CYP27C1: variants seen among roughly 807,000 people sequenced by gnomAD.
The protein encoded by CYP27C1 is cytochrome P450 27C1.
Under a neutral mutation model 40.6 loss-of-function variants are expected in CYP27C1, and 29 were observed. The ratio of observed to expected loss-of-function variants is 0.71; its 90% CI spans 0.53 to 0.97. The LOEUF is 0.97. Among genes scored for constraint, CYP27C1 ranks in the 50% least tolerant of loss-of-function variants. The pLI is 0.00. For missense variants in CYP27C1, 390 were observed against 485.8 expected, an observed-to-expected ratio of 0.80 and a Z score of 1.85; for synonymous variants, 198 against 186.8, an observed-to-expected ratio of 1.06 and a Z score of -0.49.
chr2:127,215,186 T>TG, intron 1 of CYP27C1, among the ~76,000 whole-genome samples: 1 of 151,094 alleles, frequency 6.6e-6, no homozygotes, highest in South Asian at 2.1e-4. Flanking sequence ...AGTGCAGTAA[T>TG]GGCATAATCA....
At position 127,195,719 on chromosome 2, in the gene CYP27C1, GT is replaced by G. The variant is rs1682888512; in HGVS notation, c.1048-219del. 6.6e-6 allele frequency among the ~76,000 whole-genome samples: 1 copy of G among 152,218 alleles called. No individual in the cohort carries two copies. Among genetic ancestry groups the G allele is most frequent in the Non-Finnish European group, 1.5e-5 (1 of 68,034 alleles). On this transcript the variant is annotated intron_variant, in intron 5 of 8. Transcript: ENST00000664447. The surrounding 1 kb of genome is among the most constrained non-coding windows in gnomAD (Gnocchi z 6.2). ...ATAAATAACTGAACGTATTTGGCAA[GT>G]GACATTGACTCTATGATTCATGTGC...
chr2:127,204,540 AGAGAG>A (rs1683159836), intron 2 of CYP27C1, among the ~76,000 whole-genome samples: 3 of 42,230 alleles, frequency 7.1e-5, no homozygotes, highest in African/African-American at 2.0e-4. Context: ...AAAGAAAGAG[AGAGAG>A]AGAGAGAGAG....
At position 127,219,717 on chromosome 2, in the gene CYP27C1, A is replaced by G. The variant is rs1426935597; in HGVS notation, c.282+272T>C. Among the ~76,000 whole-genome samples, 1 of 146,776 alleles carries G rather than the reference A, an allele frequency of 6.8e-6. No individual in the cohort carries two copies. The highest frequency in any genetic ancestry group is 1.5e-5 in the Non-Finnish European group (1 of 66,344). ...TCCGCTTCCCGAAGACCCCTCCCCA[A>G]CGCCCCCGCCCCGCTCCCGGTTCCT... On this transcript the variant is annotated intron_variant, in intron 1 of 8. Transcript: ENST00000664447. The surrounding 1 kb of genome is among the most constrained non-coding windows in gnomAD (Gnocchi z 8.7).
chr2:127,196,822 G>C lies in CYP27C1; in HGVS notation c.1048-1321C>G, dbSNP rs879531189. ...ATGAATGAACCTGAGTCATTCTTCT[G>C]AGTGCAGGAAGCCAGATGGAAAAGA... On this transcript the variant is annotated intron_variant, in intron 5 of 8. Coordinates refer to ENST00000664447, the MANE Select transcript of CYP27C1 (RefSeq NM_001367502.1). The surrounding 1 kb of genome is among the most constrained non-coding windows in gnomAD (Gnocchi z 4.5). Among the ~76,000 whole-genome samples the C allele has an allele frequency of 1.3e-5, 2 of 152,150 alleles. No homozygotes were observed. Among genetic ancestry groups the C allele is most frequent in the African/African-American group, 2.4e-5 (1 of 41,420 alleles).
intron 1 of CYP27C1, among the ~76,000 whole-genome samples, chr2:127,213,963 A>G (rs75652748): frequency 0.03 from 4,597 of 152,332 alleles, 100 homozygotes; most frequent in East Asian, 0.059. Flanking sequence ...ACAAATTTAC[A>G]AGAAAAAAAC....
At chr2:127,207,265 C>T (rs1381810250) in intron 1 of CYP27C1, among the ~76,000 whole-genome samples, 15 of 152,062 alleles carry the variant, frequency 9.9e-5, no homozygotes, top group Non-Finnish European at 1.0e-4. Context: ...GAGGCCAAGG[C>T]GAGGGGATCA....
At chr2:127,202,882 G>A (rs537457615) in intron 3 of CYP27C1, among the ~76,000 whole-genome samples, 2 of 152,076 alleles carry the variant, frequency 1.3e-5, no homozygotes, top group African/African-American at 4.8e-5. Context: ...TTTAAGTCCA[G>A]TTTCAGCCAG....
chr2:127,219,530 T>C lies in CYP27C1; in HGVS notation c.282+459A>G. ...CACTCTCCGAAACTCCATCCCTGAC[T>C]CCCCTCCCCGCTACCTCCTCCCCAG... On this transcript the variant is annotated intron_variant, in intron 1 of 8. Coordinates refer to ENST00000664447, the MANE Select transcript of CYP27C1 (RefSeq NM_001367502.1). This position sits in a 1 kb window ranked among gnomAD's most constrained non-coding sequence, Gnocchi z 8.7. Among the ~76,000 whole-genome samples, 1 of 149,482 alleles carries C rather than the reference T, an allele frequency of 6.7e-6. No individual in the cohort carries two copies. The highest frequency in any genetic ancestry group is 1.5e-5 in the Non-Finnish European group (1 of 67,352).
chr2:127,196,980 C>G lies in CYP27C1; in HGVS notation c.1048-1479G>C, dbSNP rs891326550. On this transcript the variant is annotated intron_variant, in intron 5 of 8. Transcript: ENST00000664447. This position sits in a 1 kb window ranked among gnomAD's most constrained non-coding sequence, Gnocchi z 4.5. ...GGAGTTGACTATGCATAAGTTATAC[C>G]GCAATAAAATCATACTAATTTTTAA... Among the ~76,000 whole-genome samples the G allele has an allele frequency of 6.6e-6, 1 of 152,186 alleles. No individual in the cohort carries two copies. Among genetic ancestry groups the G allele is most frequent in the East Asian group, 1.9e-4 (1 of 5,164 alleles).
At chr2:127,188,002 A>C (rs1682671724) in intron 8 of CYP27C1, among the ~76,000 whole-genome samples, 1 of 152,128 alleles carries the variant, frequency 6.6e-6, no homozygotes, top group Non-Finnish European at 1.5e-5. Flanking sequence ...AGAACACCTA[A>C]AGCAATTATC....
In CYP27C1 at chr2:127,208,146, T is replaced by A. The variant is rs1683267210; in HGVS notation, c.283-2056A>T. On this transcript the variant is annotated intron_variant, in intron 1 of 8. Coordinates refer to ENST00000664447, the MANE Select transcript of CYP27C1 (RefSeq NM_001367502.1). This position sits in a 1 kb window ranked among gnomAD's most constrained non-coding sequence, Gnocchi z 5.2. ...TCAGAGGCTCCCATCAAAAAAAACATAATAAGCATGTGAAACCTTCCCTGG... is the reference window on the plus strand; with the variant it reads ...TCAGAGGCTCCCATCAAAAAAAACAAAATAAGCATGTGAAACCTTCCCTGG... Among the ~76,000 whole-genome samples the A allele has an allele frequency of 6.6e-6, 1 of 152,100 alleles. No individual in the cohort carries two copies. The highest frequency in any genetic ancestry group is 2.1e-4 in the South Asian group (1 of 4,826).
chr2:127,213,771 T>G (rs1683377802), intron 1 of CYP27C1, among the ~76,000 whole-genome samples: 1 of 152,132 alleles, frequency 6.6e-6, no homozygotes, highest in Non-Finnish European at 1.5e-5. Flanking sequence ...GATTTCCTGA[T>G]GAAGACACCA....
intron 1 of CYP27C1, among the ~76,000 whole-genome samples, chr2:127,212,695 C>A (rs544350132): frequency 6.6e-6 from 1 of 152,270 alleles, no homozygotes; most frequent in Admixed American, 6.5e-5. Context: ...TTATGATAAA[C>A]CCACAGCCAA....
Position 127,201,102 on chromosome 2 carries a change from G to A in CYP27C1, c.883+20C>T, listed in dbSNP as rs369348597. On this transcript the variant is annotated intron_variant, in intron 4 of 8. Transcript: ENST00000664447. This position sits in a 1 kb window ranked among gnomAD's most constrained non-coding sequence, Gnocchi z 6.0. ...AGGTCAACCTGCTTCTGCAAAAGGT[G>A]CTCTCAATTCTTCTCTTACTGAATT... 74 of 1,607,914 alleles carry A rather than the reference G, an allele frequency of 4.6e-5. No individual in the cohort carries two copies. Among genetic ancestry groups the A allele is most frequent in the Non-Finnish European group, 5.4e-5 (63 of 1,176,620 alleles).
chr2:127,202,834 A>C (rs1484335385), intron 3 of CYP27C1, among the ~76,000 whole-genome samples: 4 of 152,108 alleles, frequency 2.6e-5, no homozygotes, highest in Non-Finnish European at 5.9e-5. Flanking sequence ...TCTGCCTCTA[A>C]AAAGAGGGAT....
In CYP27C1 at chr2:127,218,155, G is replaced by A. The variant is rs1180726818; in HGVS notation, c.282+1834C>T. Among the ~76,000 whole-genome samples, 2 of 152,096 alleles carry A rather than the reference G, an allele frequency of 1.3e-5. No individual in the cohort carries two copies. The highest frequency in any genetic ancestry group is 6.5e-5 in the Admixed American group (1 of 15,268). On this transcript the variant is annotated intron_variant, in intron 1 of 8. Transcript: ENST00000664447. The surrounding 1 kb of genome is among the most constrained non-coding windows in gnomAD (Gnocchi z 6.0). The stretch of plus-strand genomic sequence containing the variant: ...GCTGAGCTCAGGGTGAGGGCTGGCG[G>A]CAGGGGCGGGTGAATGGAAAATACC...
chr2:127,195,459 G>A lies in CYP27C1; in HGVS notation c.1090C>T (p.His364Tyr). Residue 364 changes from histidine (H) to tyrosine (Y), a missense_variant, in exon 6 of 9, where the codon CAC becomes TAC. His to Tyr is a moderately conservative substitution (Grantham distance 83). Coordinates refer to ENST00000664447, the MANE Select transcript of CYP27C1 (RefSeq NM_001367502.1). The surrounding 1 kb of genome is among the most constrained non-coding windows in gnomAD (Gnocchi z 6.2). ...LSWTVYLLAR[H>Y]PEVQQTVYRE... ...TACACCGTCTGCTGCACTTCTGGGTGCCTTGCCAGGAGGTACACAGTCCAA... is the reference window on the plus strand; with the variant it reads ...TACACCGTCTGCTGCACTTCTGGGTACCTTGCCAGGAGGTACACAGTCCAA... 1.2e-6 allele frequency: 2 copies of A among 1,614,036 alleles called. No individual in the cohort carries two copies. The highest frequency in any genetic ancestry group is 2.7e-5 in the African/African-American group (2 of 75,008).
chr2:127,202,418 A>G (rs1179431588), intron 3 of CYP27C1, among the ~76,000 whole-genome samples: 1 of 152,170 alleles, frequency 6.6e-6, no homozygotes, highest in Non-Finnish European at 1.5e-5. Context: ...GAGCCACCGC[A>G]CCCAGCCCCA....
chr2:127,188,475 C>A (rs142637352), intron 8 of CYP27C1, among the ~76,000 whole-genome samples: 100 of 152,194 alleles, frequency 6.6e-4, no homozygotes, highest in African/African-American at 2.3e-3. Flanking sequence ...TAACCTCCAA[C>A]GATCCTCCCA....
Sources: gnomAD v4.1 joint callset for allele counts (sites outside exome capture counted in the v4.1 genomes callset) on GRCh38, gnomAD v4.1.1 for gene constraint, Gnocchi (gnomAD v3.1) non-coding constraint, MANE v1.5 for transcripts, NCBI Gene and HGNC (gene_info 2026-07-23, HGNC 2026-07-21) for gene names.